ATXN1: variants seen among roughly 807,000 people sequenced by gnomAD.
ATXN1 encodes ataxin-1.
In ATXN1, 8 loss-of-function variants were observed where a neutral mutation model predicts 56.4. The ratio of observed to expected loss-of-function variants is 0.14; its 90% CI spans 0.08 to 0.26. The LOEUF is 0.26. Ranked by LOEUF, ATXN1 falls within the 10% of genes least tolerant of loss-of-function variation. The pLI is 1.00. For missense variants in ATXN1, 987 were observed against 1,106.5 expected, an observed-to-expected ratio of 0.89 and a Z score of 1.53; for synonymous variants, 514 against 494.6, an observed-to-expected ratio of 1.04 and a Z score of -0.52.
Position 16,522,746 on chromosome 6 carries a change from C to T in ATXN1, c.-360-58G>A, listed in dbSNP as rs892951923. On this transcript the variant is annotated intron_variant, in intron 4 of 7. Transcript: ENST00000436367. ...TAATAACTCCATTCTCTAAATCAGTCCAAATGAGCAGGCCTAGAGGTGATA... is the reference window on the plus strand; with the variant it reads ...TAATAACTCCATTCTCTAAATCAGTTCAAATGAGCAGGCCTAGAGGTGATA... The T allele has an allele frequency of 2.6e-5, 4 of 152,264 alleles. No individual in the cohort carries two copies. The South Asian group carries it at 8.3e-4, about 32-fold the overall frequency. The allele number at this position is 152,264 out of a possible 1,614,324, so 9.4% of individuals were successfully genotyped here. A position where few individuals can be genotyped will look rare whatever the true frequency, so the allele number is the denominator to read the frequency against.
At chr6:16,570,193 G>A (rs563455173) in intron 4 of ATXN1, among the ~76,000 whole-genome samples, 135 of 152,292 alleles carry the variant, frequency 8.9e-4, no homozygotes, top group African/African-American at 3.2e-3. Context: ...GTCCTCAAAC[G>A]AAATGGCCTC....
chr6:16,742,987 G>A (rs1490782101), intron 2 of ATXN1, among the ~76,000 whole-genome samples: 3 of 152,232 alleles, frequency 2.0e-5, no homozygotes, highest in South Asian at 2.1e-4. Flanking sequence ...GTATGACCAC[G>A]AGAGCACTTA....
chr6:16,443,368 G>T (rs1759563125), intron 6 of ATXN1, among the ~76,000 whole-genome samples: 2 of 151,946 alleles, frequency 1.3e-5, no homozygotes, highest in African/African-American at 4.8e-5. Flanking sequence ...TTTTGTTTCA[G>T]GAAAATTTAA....
chr6:16,404,820 C>T (rs181137901), intron 6 of ATXN1, among the ~76,000 whole-genome samples: 3 of 152,330 alleles, frequency 2.0e-5, no homozygotes, highest in Non-Finnish European at 2.9e-5. Flanking sequence ...GAGCAAGGGG[C>T]TGTCGGTACA....
intron 2 of ATXN1, among the ~76,000 whole-genome samples, chr6:16,725,358 T>A (rs1298904513): frequency 6.6e-6 from 1 of 151,750 alleles, no homozygotes; most frequent in Non-Finnish European, 1.5e-5. Flanking sequence ...CCTTAAGGAG[T>A]CAAAACATCC....
chr6:16,464,487 C>G (rs1259787478), intron 6 of ATXN1, among the ~76,000 whole-genome samples: 1 of 152,132 alleles, frequency 6.6e-6, no homozygotes, highest in East Asian at 1.9e-4. Flanking sequence ...TTTTGCTCTT[C>G]ACAATAAACC....
chr6:16,501,317 T>C (rs550067841), intron 5 of ATXN1, among the ~76,000 whole-genome samples: 1 of 152,252 alleles, frequency 6.6e-6, no homozygotes, highest in African/African-American at 2.4e-5. Flanking sequence ...AAAATATTTT[T>C]AAATTTTACT....
intron 6 of ATXN1, among the ~76,000 whole-genome samples, chr6:16,408,515 T>TTAA (rs1554144321): frequency 7.3e-6 from 1 of 136,848 alleles, no homozygotes. Flanking sequence ...ATGAGGATGG[T>TTAA]AAAAAAAAAA....
At chr6:16,333,777 T>C (rs1761047464) in intron 6 of ATXN1, among the ~76,000 whole-genome samples, 1 of 152,212 alleles carries the variant, frequency 6.6e-6, no homozygotes, top group Non-Finnish European at 1.5e-5. Flanking sequence ...TCAAGGATTC[T>C]CAAAGTGCTG....
chr6:16,448,072 T>C (rs560661728), intron 6 of ATXN1, among the ~76,000 whole-genome samples: 1 of 152,300 alleles, frequency 6.6e-6, no homozygotes, highest in African/African-American at 2.4e-5. Flanking sequence ...CCTATTACAT[T>C]TATGGTAAAA....
chr6:16,462,727 C>T (rs1279111093), intron 6 of ATXN1, among the ~76,000 whole-genome samples: 2 of 152,310 alleles, frequency 1.3e-5, no homozygotes, highest in South Asian at 2.1e-4. Flanking sequence ...CCCCGTTATG[C>T]ATCCAACGCA....
At chr6:16,324,312 A>G (rs2113404432) in intron 7 of ATXN1, among the ~76,000 whole-genome samples, 1 of 152,208 alleles carries the variant, frequency 6.6e-6, no homozygotes, top group South Asian at 2.1e-4. Context: ...TTAGCTGGGC[A>G]TGGTGGTATG....
intron 4 of ATXN1, among the ~76,000 whole-genome samples, chr6:16,572,407 G>A (rs1762348538): frequency 6.6e-6 from 1 of 152,160 alleles, no homozygotes; most frequent in African/African-American, 2.4e-5. Context: ...AATCAAATGT[G>A]TATGTCTAAG....
intron 6 of ATXN1, among the ~76,000 whole-genome samples, chr6:16,346,508 T>G (rs1362688286): frequency 6.6e-6 from 1 of 152,234 alleles, no homozygotes; most frequent in Non-Finnish European, 1.5e-5. Flanking sequence ...CCTTGCTCCC[T>G]CTTTGCATTT....
At chr6:16,602,608 T>C (rs1020191706) in intron 3 of ATXN1, among the ~76,000 whole-genome samples, 13 of 152,044 alleles carry the variant, frequency 8.6e-5, no homozygotes, top group Non-Finnish European at 1.8e-4. Context: ...CAGGCCACCA[T>C]GCCCTGCTAA....
At chr6:16,352,243 G>A (rs1173006051) in intron 6 of ATXN1, among the ~76,000 whole-genome samples, 5 of 152,164 alleles carry the variant, frequency 3.3e-5, no homozygotes, top group Non-Finnish European at 5.9e-5. Flanking sequence ...CGTTTCCAAC[G>A]TAGAAGATAA....
intron 6 of ATXN1, among the ~76,000 whole-genome samples, chr6:16,433,449 C>T (rs561283405): frequency 6.6e-6 from 1 of 152,258 alleles, no homozygotes; most frequent in African/African-American, 2.4e-5. Flanking sequence ...GAACTGAGTG[C>T]TCCAAGGAGA....
intron 6 of ATXN1, among the ~76,000 whole-genome samples, chr6:16,412,619 G>A (rs1035108183): frequency 1.3e-5 from 2 of 152,154 alleles, no homozygotes; most frequent in Admixed American, 6.5e-5. Context: ...CCTCAATGTC[G>A]CAAACTTCAG....
chr6:16,341,007 G>A (rs1292512968), intron 6 of ATXN1, among the ~76,000 whole-genome samples: 1 of 152,210 alleles, frequency 6.6e-6, no homozygotes, highest in East Asian at 1.9e-4. Flanking sequence ...AAGTGTTGGA[G>A]CAATGGGGGA....
Sources: allele counts gnomAD v4.1 joint callset (sites outside exome capture counted in the v4.1 genomes callset), GRCh38; gene constraint gnomAD v4.1.1; transcripts MANE v1.5; gene names NCBI Gene and HGNC (gene_info 2026-07-23, HGNC 2026-07-21).